NRG3: variants seen among roughly 807,000 people sequenced by gnomAD.
NRG3 encodes neuregulin 3.
NRG3 carries 31 observed loss-of-function variants against 66.9 expected under a neutral mutation model. The ratio of observed to expected loss-of-function variants is 0.46; its 90% CI spans 0.35 to 0.63. The LOEUF (loss-of-function observed/expected upper bound fraction) is 0.63, where lower values mean the gene tolerates loss of function less well. Among genes scored for constraint, NRG3 ranks in the 20% least tolerant of loss-of-function variants. The pLI is 0.00. For synonymous variants in NRG3, 393 were observed against 359.4 expected, an observed-to-expected ratio of 1.09 and a Z score of -1.06; for missense variants, 910 against 878.9, an observed-to-expected ratio of 1.04 and a Z score of -0.45.
chr10:82,392,879 C>CATATAT (rs149089994), intron 2 of NRG3, among the ~76,000 whole-genome samples: 1 of 122,328 alleles, frequency 8.2e-6, no homozygotes, highest in Non-Finnish European at 1.6e-5. Flanking sequence ...GAGGTGAGGT[C>CATATAT]ATATATATAT....
At chr10:82,269,625 T>C (rs1268727907) in intron 1 of NRG3, among the ~76,000 whole-genome samples, 1 of 152,132 alleles carries the variant, frequency 6.6e-6, no homozygotes, top group Admixed American at 6.6e-5. Flanking sequence ...GTCTACTAAC[T>C]TCATCATCTA....
intron 1 of NRG3, among the ~76,000 whole-genome samples, chr10:82,260,727 T>A (rs1225897297): frequency 6.6e-6 from 1 of 152,122 alleles, no homozygotes; most frequent in Non-Finnish European, 1.5e-5. Flanking sequence ...ATTAAAAAGG[T>A]AGTCTAAGCT....
intron 1 of NRG3, among the ~76,000 whole-genome samples, chr10:82,347,598 C>G (rs1199513335): frequency 6.6e-6 from 1 of 151,856 alleles, no homozygotes; most frequent in Non-Finnish European, 1.5e-5. Context: ...TGGTGCAGAG[C>G]TGAGTTCAAT....
At chr10:82,969,312 G>A (rs1851515892) in intron 6 of NRG3, among the ~76,000 whole-genome samples, 1 of 152,072 alleles carries the variant, frequency 6.6e-6, no homozygotes, top group African/African-American at 2.4e-5. Flanking sequence ...GTCTTTTATA[G>A]ACCTGAAAGT....
chr10:82,895,429 A>G (rs1609605), intron 4 of NRG3, among the ~76,000 whole-genome samples: 87,533 of 151,090 alleles, frequency 0.58, 26,074 homozygotes, highest in South Asian at 0.7. Flanking sequence ...AGAGAGTTTA[A>G]TCATATTTTA....
At chr10:82,349,136 G>T (rs1296360052) in intron 1 of NRG3, among the ~76,000 whole-genome samples, 1 of 151,900 alleles carries the variant, frequency 6.6e-6, no homozygotes, top group Non-Finnish European at 1.5e-5. Flanking sequence ...AGGAGGAGAG[G>T]CGCTCTGCTT....
At chr10:82,027,524 A>G (rs1303185437) in intron 1 of NRG3, among the ~76,000 whole-genome samples, 2 of 152,132 alleles carry the variant, frequency 1.3e-5, no homozygotes, top group African/African-American at 4.8e-5. Flanking sequence ...GTCAAATCAG[A>G]TAATTTTCTT....
intron 3 of NRG3, among the ~76,000 whole-genome samples, chr10:82,845,477 G>A (rs980478452): frequency 1.3e-5 from 2 of 152,004 alleles, no homozygotes; most frequent in African/African-American, 4.8e-5. Context: ...GAAGGAAAAC[G>A]CCAATGTGTG....
At chr10:82,841,515 G>T (rs896020749) in intron 3 of NRG3, among the ~76,000 whole-genome samples, 25 of 152,284 alleles carry the variant, frequency 1.6e-4, no homozygotes, top group African/African-American at 6.0e-4. Flanking sequence ...TGATTATGGG[G>T]TCTATTTAGT....
chr10:82,673,059 G>T (rs781765484), intron 2 of NRG3, among the ~76,000 whole-genome samples: 10 of 152,136 alleles, frequency 6.6e-5, no homozygotes, highest in Non-Finnish European at 1.2e-4. Context: ...CCCTTCATGG[G>T]TTTTCTCAGG....
intron 1 of NRG3, among the ~76,000 whole-genome samples, chr10:81,934,770 C>T (rs1236264343): frequency 1.3e-5 from 2 of 152,106 alleles, no homozygotes; most frequent in Non-Finnish European, 1.5e-5. Context: ...CTCTTACATA[C>T]CTTGTGTTCT....
intron 1 of NRG3, among the ~76,000 whole-genome samples, chr10:82,129,436 GTGTA>G (rs1360175254): frequency 1.3e-5 from 2 of 152,042 alleles, no homozygotes; most frequent in Admixed American, 6.6e-5. Flanking sequence ...TACATAGTTG[GTGTA>G]TGTATGTATG....
At chr10:82,537,994 C>T (rs2043276588) in intron 2 of NRG3, among the ~76,000 whole-genome samples, 1 of 152,054 alleles carries the variant, frequency 6.6e-6, no homozygotes, top group Non-Finnish European at 1.5e-5. Flanking sequence ...CAACACATTC[C>T]CTGTTCATTC....
At chr10:82,927,495 G>A (rs962957322) in intron 4 of NRG3, among the ~76,000 whole-genome samples, 1 of 151,758 alleles carries the variant, frequency 6.6e-6, no homozygotes, top group Admixed American at 6.6e-5. Flanking sequence ...CCCTCCCCTG[G>A]CCCCCACCCC....
At chr10:82,641,429 G>A (rs931181597) in intron 2 of NRG3, among the ~76,000 whole-genome samples, 2 of 152,084 alleles carry the variant, frequency 1.3e-5, no homozygotes, top group African/African-American at 4.8e-5. Flanking sequence ...TTATGGGCTT[G>A]CAATGCTATT....
chr10:82,138,277 T>C (rs1265393218), intron 1 of NRG3, among the ~76,000 whole-genome samples: 3 of 152,156 alleles, frequency 2.0e-5, no homozygotes, highest in East Asian at 1.9e-4. Context: ...GGGAAAAATA[T>C]GTCTTTAGAA....
intron 4 of NRG3, among the ~76,000 whole-genome samples, chr10:82,869,631 A>ATTT (rs1554831160): frequency 6.7e-5 from 9 of 134,552 alleles, no homozygotes; most frequent in Non-Finnish European, 8.1e-5. Context: ...ATTTTGAGAC[A>ATTT]GAGTTTCGCT....
intron 2 of NRG3, among the ~76,000 whole-genome samples, chr10:82,515,151 C>G (rs1472112034): frequency 6.6e-6 from 1 of 152,076 alleles, no homozygotes; most frequent in Admixed American, 6.6e-5. Context: ...TTTATATTTA[C>G]TTGAAAACTA....
intron 1 of NRG3, among the ~76,000 whole-genome samples, chr10:82,316,795 G>T (rs79184633): frequency 0.026 from 4,020 of 152,228 alleles, 77 homozygotes; most frequent in Middle Eastern, 0.068. Context: ...TTCCTAGGCC[G>T]AGCTGTAGGT....
Sources: allele counts gnomAD v4.1 joint callset (sites outside exome capture counted in the v4.1 genomes callset), GRCh38; gene constraint gnomAD v4.1.1; transcripts MANE v1.5; gene names NCBI Gene and HGNC (gene_info 2026-07-23, HGNC 2026-07-21).